The following LCORL variants were observed in gnomAD, a reference collection of about 807,000 sequenced individuals.
LCORL encodes ligand dependent nuclear receptor corepressor like, also known as ligand-dependent nuclear receptor corepressor-like protein.
A neutral mutation model predicts 141.8 loss-of-function variants in LCORL; 41 were observed. The ratio of observed to expected loss-of-function variants is 0.29; its 90% CI spans 0.23 to 0.38. The LOEUF is 0.38. Among genes scored for constraint, LCORL ranks in the 10% least tolerant of loss-of-function variants. LCORL has a pLI of 1.00. For missense variants in LCORL, 1,759 were observed against 2,035.0 expected (o/e 0.86, Z 2.61); for synonymous variants, 618 against 694.1 (o/e 0.89, Z 1.72).
intron 2 of LCORL, 151 bp downstream of exon 2, chr4:17,972,669 A>G: frequency 3.1e-6 from 1 of 323,260 alleles, no homozygotes; most frequent in Non-Finnish European, 5.5e-6. Context: ...TGTAATAAAA[A>G]TATCTGGATT....
intron 7 of LCORL, among the ~76,000 whole-genome samples, chr4:17,852,568 A>G (rs760560393): frequency 6.6e-6 from 1 of 152,138 alleles, no homozygotes; most frequent in Non-Finnish European, 1.5e-5. Flanking sequence ...GCTTATCATA[A>G]GTAAGGCCTC....
At chr4:17,868,882 T>C (rs1334424542) in intron 7 of LCORL, among the ~76,000 whole-genome samples, 1 of 152,144 alleles carries the variant, frequency 6.6e-6, no homozygotes, top group East Asian at 1.9e-4. Context: ...TTCTATCCTA[T>C]ATTTCTTGAG....
chr4:17,878,232 C>G lies in LCORL; in HGVS notation c.777-19G>C, dbSNP rs1447745892. On this transcript the variant is annotated intron_variant, in intron 6 of 7. Coordinates refer to ENST00000635767, the Ensembl canonical transcript of LCORL. The stretch of plus-strand genomic sequence containing the variant: ...AGTTGAACTAAAAATAAAAATCAAA[C>G]AAAAAATGAATTGCAGCAAAAATAC... The G allele has an allele frequency of 1.8e-5, 22 of 1,225,964 alleles. No individual in the cohort carries two copies. The highest frequency in any genetic ancestry group is 2.2e-5 in the Non-Finnish European group (22 of 983,088). The allele number at this position is 1,225,964 out of a possible 1,614,324, so 75.9% of individuals were successfully genotyped here.
chr4:17,846,421 C>A (rs1393057627), intron 7 of LCORL, among the ~76,000 whole-genome samples: 2 of 152,154 alleles, frequency 1.3e-5, no homozygotes, highest in Non-Finnish European at 2.9e-5. Context: ...TGAGGTCATA[C>A]AGTCACCTGC....
At chr4:17,868,746 A>G (rs567651730) in intron 7 of LCORL, among the ~76,000 whole-genome samples, 1 of 152,246 alleles carries the variant, frequency 6.6e-6, no homozygotes, top group African/African-American at 2.4e-5. Context: ...CTATTCACAG[A>G]ACAGATATAT....
chr4:17,937,230 T>C (rs1030345551), intron 4 of LCORL, among the ~76,000 whole-genome samples: 2 of 152,174 alleles, frequency 1.3e-5, no homozygotes, highest in African/African-American at 4.8e-5. Flanking sequence ...TCTATTGCAA[T>C]TGTTTTTCTA....
At chr4:17,996,309 C>T (rs1053492296) in intron 1 of LCORL, among the ~76,000 whole-genome samples, 1 of 151,882 alleles carries the variant, frequency 6.6e-6, no homozygotes, top group African/African-American at 2.4e-5. Flanking sequence ...GCTAAATAAT[C>T]TAGATGTATA....
At chr4:17,877,243 T>G in exon 7 of LCORL, 2 of 1,230,470 alleles carry the variant, frequency 1.6e-6, no homozygotes, top group Non-Finnish European at 2.0e-6. Context: ...TCCATAAAAC[T>G]ATAATCACTG....
At chr4:17,951,367 T>C (rs1379911467) in intron 4 of LCORL, among the ~76,000 whole-genome samples, 1 of 152,194 alleles carries the variant, frequency 6.6e-6, no homozygotes, top group Non-Finnish European at 1.5e-5. Flanking sequence ...CAATTTTAGA[T>C]TGTTCTTTAG....
At chr4:17,920,929 T>A (rs1029798928) in intron 4 of LCORL, among the ~76,000 whole-genome samples, 2 of 152,254 alleles carry the variant, frequency 1.3e-5, no homozygotes, top group Non-Finnish European at 2.9e-5. Context: ...CTCAATGTTA[T>A]CTATGAGGGT....
chr4:17,990,533 T>G (rs1433637397), intron 1 of LCORL, among the ~76,000 whole-genome samples: 1 of 151,870 alleles, frequency 6.6e-6, no homozygotes, highest in East Asian at 1.9e-4. Context: ...GGAGGGTTGG[T>G]CTTGAGGGCT....
chr4:17,901,316 C>T (rs1160714947), intron 5 of LCORL, among the ~76,000 whole-genome samples: 1 of 151,274 alleles, frequency 6.6e-6, no homozygotes, highest in Non-Finnish European at 1.5e-5. Context: ...TCACAACAAT[C>T]ATACCAAACA....
chr4:17,911,595 A>G (rs948679510), intron 4 of LCORL: 4 of 381,486 alleles, frequency 1.0e-5, no homozygotes, highest in African/African-American at 6.5e-5. Flanking sequence ...TGGCCTAAAG[A>G]AATCAGCAGT....
chr4:18,005,032 C>T lies in LCORL; in HGVS notation c.154+16566G>A, dbSNP rs540339294. On this transcript the variant is annotated intron_variant, in intron 1 of 7. Coordinates refer to ENST00000635767, the Ensembl canonical transcript of LCORL. ...TCCTGGGTTCAAGCAATTCTCCTGC[C>T]GCAGCCTCCCGAGTAGCTGGGATTA... Among the ~76,000 whole-genome samples, 117 of 152,052 alleles carry T rather than the reference C, an allele frequency of 7.7e-4. 1 individual carries two copies. The South Asian group carries it at 9.8e-3, about 13-fold the overall frequency.
rs148205545 is a variant in LCORL at position 18,015,575 on chromosome 4, C to G, written c.154+6023G>C. Among the ~76,000 whole-genome samples, 6 of 151,834 alleles carry G rather than the reference C, an allele frequency of 4.0e-5. No homozygotes were observed. The East Asian group carries it at 7.7e-4, about 20-fold the overall frequency. ...TATTAGAAGGTGCCACAATTTACAT[C>G]TTTTAAAATAGAAAACATTTGATAG... On this transcript the variant is annotated intron_variant, in intron 1 of 7. Transcript: ENST00000635767.
chr4:17,884,160 T>A lies in LCORL; in HGVS notation c.776+1908A>T. 1 of 1,550,512 alleles carries A rather than the reference T, an allele frequency of 6.4e-7. No individual in the cohort carries two copies. Among genetic ancestry groups the A allele is most frequent in the South Asian group, 1.2e-5 (1 of 84,002 alleles). The stretch of plus-strand genomic sequence containing the variant: ...TCTATTTTGTTCTGTTTAGGGAGTA[T>A]ATTTTTCAGTTTTTGGAGAGCTGAT... On this transcript the variant is annotated intron_variant, in intron 6 of 7. Coordinates refer to ENST00000635767, the Ensembl canonical transcript of LCORL. This position sits in a 1 kb window ranked among gnomAD's most constrained non-coding sequence, Gnocchi z 4.4.
exon 7 of LCORL, chr4:17,873,997 C>T: frequency 8.1e-7 from 1 of 1,234,122 alleles, no homozygotes; most frequent in South Asian, 4.1e-5. Context: ...CCCCTGATCT[C>T]AGGTGGCAAA....
intron 4 of LCORL, among the ~76,000 whole-genome samples, chr4:17,917,051 T>G (rs1733556827): frequency 6.6e-6 from 1 of 151,976 alleles, no homozygotes. Context: ...CTCGGCTCAT[T>G]GCAACCTCTG....
exon 7 of LCORL, chr4:17,874,037 T>A: frequency 8.1e-7 from 1 of 1,234,160 alleles, no homozygotes; most frequent in Non-Finnish European, 1.0e-6. Context: ...TGCTTTTTCC[T>A]TGGAGTGGGA....
Sources: allele counts gnomAD v4.1 joint callset (sites outside exome capture counted in the v4.1 genomes callset), GRCh38; gene constraint gnomAD v4.1.1; non-coding constraint Gnocchi (gnomAD v3.1); transcripts MANE v1.5; gene names NCBI Gene and HGNC (gene_info 2026-07-23, HGNC 2026-07-21).